Variants in DENND4C observed in about 807,000 individuals in gnomAD.
The protein encoded by DENND4C is DENN domain-containing protein 4C.
Under a neutral mutation model 203.0 loss-of-function variants are expected in DENND4C, and 108 were observed. The ratio of observed to expected loss-of-function variants is 0.53; its 90% confidence interval spans 0.46 to 0.62. The LOEUF (loss-of-function observed/expected upper bound fraction) is 0.62. DENND4C is among the 20% of genes least tolerant of loss of function. The probability of loss-of-function intolerance (pLI) is 0.00; values close to 1 mark genes in which losing one functional copy is unlikely to be tolerated. For missense variants in DENND4C, 2,481 were observed against 2,301.2 expected (o/e 1.08, Z -1.60); for synonymous variants, 871 against 792.4 (o/e 1.10, Z -1.67).
intron 1 of DENND4C, among the ~76,000 whole-genome samples, chr9:19,255,450 T>C (rs1187089599): frequency 6.6e-6 from 1 of 151,802 alleles, no homozygotes; most frequent in Non-Finnish European, 1.5e-5. Context: ...CAAAATACTG[T>C]TATCTACACA....
chr9:19,259,241 G>C (rs77693059), intron 1 of DENND4C, among the ~76,000 whole-genome samples: 6,876 of 151,186 alleles, frequency 0.045, 262 homozygotes, highest in African/African-American at 0.1. Flanking sequence ...TTCCGCCCCC[G>C]CCACCTCCCC....
At chr9:19,254,332 AC>A (rs1437612495) in intron 1 of DENND4C, among the ~76,000 whole-genome samples, 1 of 152,238 alleles carries the variant, frequency 6.6e-6, no homozygotes, top group East Asian at 1.9e-4. Context: ...TGTGGAAGTA[AC>A]GTTAGTGTCC....
chr9:19,298,268 G>C (rs1837859504), intron 7 of DENND4C, 146 bp downstream of exon 7: 1 of 625,600 alleles, frequency 1.6e-6, no homozygotes, highest in African/African-American at 1.9e-5. Context: ...TAGCTTTACT[G>C]AACACCCTTT....
intron 30 of DENND4C, among the ~76,000 whole-genome samples, chr9:19,363,886 C>T (rs1160734575): frequency 1.3e-5 from 2 of 151,866 alleles, no homozygotes; most frequent in African/African-American, 4.8e-5. Context: ...TGGTGATGCA[C>T]GCCTGTAATC....
chr9:19,356,956 C>G lies in DENND4C; in HGVS notation c.4782-16C>G, dbSNP rs774444307. 6.2e-7 allele frequency: 1 copy of G among 1,610,032 alleles called. No homozygotes were observed. Among genetic ancestry groups the G allele is most frequent in the South Asian group, 1.1e-5 (1 of 90,030 alleles). On this transcript the variant is annotated splice_polypyrimidine_tract_variant and intron_variant, in intron 26 of 32. Transcript: ENST00000434457. ...GGATTTTTAAAGGCTCTTTTTCCCC[C>G]CTTTTCCTTATGTAGCTTTTTCCTG... is the stretch of plus-strand genomic sequence containing the variant.
chr9:19,355,985 C>T (rs1172195105), intron 26 of DENND4C, among the ~76,000 whole-genome samples: 1 of 151,928 alleles, frequency 6.6e-6, no homozygotes, highest in Non-Finnish European at 1.5e-5. Context: ...TCGTGACAAG[C>T]ATTTTATTTT....
intron 1 of DENND4C, among the ~76,000 whole-genome samples, chr9:19,273,737 T>C (rs1832261642): frequency 6.6e-6 from 1 of 151,306 alleles, no homozygotes; most frequent in African/African-American, 2.5e-5. Flanking sequence ...TACATACTGA[T>C]TAGAATGTCT....
rs1390990218 is a variant in DENND4C at position 19,374,084 on chromosome 9, T to A, written c.*1911T>A. On this transcript the variant is annotated 3_prime_UTR_variant, in exon 33 of 33. Transcript: ENST00000434457. ...TACTGACCCAACAGAAGTTTGGAAT[T>A]ACCTTGCATATAAAAATTGAGGTTG... 1.3e-5 allele frequency among the ~76,000 whole-genome samples: 2 copies of A among 152,224 alleles called. No individual in the cohort carries two copies. The highest frequency in any genetic ancestry group is 2.9e-5 in the Non-Finnish European group (2 of 68,044).
chr9:19,277,373 T>C lies in DENND4C; in HGVS notation c.305+894T>C, dbSNP rs1833088613. Among the ~76,000 whole-genome samples the C allele has an allele frequency of 2.6e-5, 4 of 152,196 alleles. No homozygotes were observed. The South Asian group carries it at 8.3e-4, about 32-fold the overall frequency. ...TCTTCTTTAATTTCTTTCAGCAACA[T>C]TGTGTATTTTTTAAATCTGATTAAT... On this transcript the variant is annotated intron_variant, in intron 2 of 32. Coordinates refer to ENST00000434457, the MANE Select transcript of DENND4C (RefSeq NM_001330640.2).
At chr9:19,353,828 C>G (rs1282600768) in intron 26 of DENND4C, among the ~76,000 whole-genome samples, 1 of 152,118 alleles carries the variant, frequency 6.6e-6, no homozygotes, top group African/African-American at 2.4e-5. Context: ...TCCCAGCAAC[C>G]AGGAGGCTGA....
chr9:19,230,619 C>A (rs1820261967), upstream of DENND4C: 1 of 152,250 alleles, frequency 6.6e-6, no homozygotes, highest in East Asian at 1.9e-4. Flanking sequence ...CCCGCGCGGG[C>A]CAGCGCTCCG....
At chr9:19,344,269 T>C (rs564002377) in intron 22 of DENND4C, among the ~76,000 whole-genome samples, 24 of 152,264 alleles carry the variant, frequency 1.6e-4, no homozygotes, top group African/African-American at 4.3e-4. Context: ...AAAACACAAA[T>C]GAGAATCCTA....
Position 19,372,160 on chromosome 9 carries a change from C to A in DENND4C, c.5864C>A (p.Ala1955Glu), listed in dbSNP as rs776423081. The A allele has an allele frequency of 1.2e-6, 2 of 1,611,340 alleles. 1 individual carries two copies. Among genetic ancestry groups the A allele is most frequent in the South Asian group, 2.2e-5 (2 of 90,272 alleles). ...GAGTGGTGCAGGAAGTGTTTTGGAG[C>A]GCCTCTCATTTAAATAGAGATTCAC... Reference protein sequence around the residue: ...SVEWCRKCFGAPLI With the variant: ...SVEWCRKCFGEPLI The change falls in exon 33 of 33, where the codon GCG becomes GAG. Residue 1955 changes from alanine (A) to glutamate (E), a missense_variant. Coordinates refer to ENST00000434457, the MANE Select transcript of DENND4C (RefSeq NM_001330640.2).
intron 1 of DENND4C, among the ~76,000 whole-genome samples, chr9:19,249,377 C>T (rs4395982): frequency 0.5 from 75,605 of 151,272 alleles, 19,654 homozygotes; most frequent in South Asian, 0.59. Context: ...CTCAGCCTCC[C>T]GAGTAGCTGG....
At chr9:19,339,655 C>T (rs183975055) in intron 20 of DENND4C, among the ~76,000 whole-genome samples, 31 of 152,236 alleles carry the variant, frequency 2.0e-4, no homozygotes, top group Non-Finnish European at 4.0e-4. Flanking sequence ...AGATGATAAG[C>T]TATTTTTGAA....
chr9:19,343,511 T>C (rs1822132573), intron 22 of DENND4C, among the ~76,000 whole-genome samples: 1 of 152,238 alleles, frequency 6.6e-6, no homozygotes, highest in Non-Finnish European at 1.5e-5. Flanking sequence ...AGAAATTAAT[T>C]TGTTCAGCTT....
chr9:19,313,266 C>G (rs958241865), intron 10 of DENND4C, among the ~76,000 whole-genome samples: 1 of 151,936 alleles, frequency 6.6e-6, no homozygotes, highest in African/African-American at 2.4e-5. Flanking sequence ...TGGCAATATC[C>G]TCTTACTCTA....
Position 19,356,965 on chromosome 9 carries a change from T to C in DENND4C, c.4782-7T>C. 6.2e-7 allele frequency: 1 copy of C among 1,612,876 alleles called. No homozygotes were observed. Among genetic ancestry groups the C allele is most frequent in the African/African-American group, 1.3e-5 (1 of 74,970 alleles). On this transcript the variant is annotated splice_polypyrimidine_tract_variant and splice_region_variant and intron_variant, in intron 26 of 32. Transcript: ENST00000434457. ...AAGGCTCTTTTTCCCCCCTTTTCCTTATGTAGCTTTTTCCTGAAACCAAGT... is the reference window on the plus strand; with the variant it reads ...AAGGCTCTTTTTCCCCCCTTTTCCTCATGTAGCTTTTTCCTGAAACCAAGT...
chr9:19,278,338 C>CAT (rs1451704436), intron 2 of DENND4C, among the ~76,000 whole-genome samples: 9 of 152,064 alleles, frequency 5.9e-5, no homozygotes, highest in Non-Finnish European at 1.2e-4. Context: ...AGGGTTTCAC[C>CAT]ATATTGGCAA....
Sources: gnomAD v4.1 joint callset for allele counts (sites outside exome capture counted in the v4.1 genomes callset) on GRCh38, gnomAD v4.1.1 for gene constraint, MANE v1.5 for transcripts, NCBI Gene and HGNC (gene_info 2026-07-23, HGNC 2026-07-21) for gene names.